Variants in BTBD8 observed in about 807,000 individuals in gnomAD.
The protein encoded by BTBD8 is BTB/POZ domain-containing protein 8.
In BTBD8, 110 loss-of-function variants were observed where a neutral mutation model predicts 162.9. That is an observed-to-expected ratio of 0.68 (90% CI 0.58 to 0.79). The LOEUF (loss-of-function observed/expected upper bound fraction) is 0.79. Ranked by LOEUF, BTBD8 falls within the 30% of genes least tolerant of loss-of-function variation. The probability of loss-of-function intolerance (pLI) is 0.00; values close to 1 mark genes in which losing one functional copy is unlikely to be tolerated. For missense variants in BTBD8, 1,905 were observed against 2,085.4 expected, an observed-to-expected ratio of 0.91 and a Z score of 1.68; for synonymous variants, 667 against 716.1, an observed-to-expected ratio of 0.93 and a Z score of 1.10.
At chr1:92,156,920 A>G (rs1650170874) in intron 9 of BTBD8, among the ~76,000 whole-genome samples, 1 of 147,626 alleles carries the variant, frequency 6.8e-6, no homozygotes, top group African/African-American at 2.5e-5. Flanking sequence ...CTGTTTTTCT[A>G]TCCTCTATTT....
intron 12 of BTBD8, 46 bp downstream of exon 12, chr1:92,169,041 T>C (rs995323213): frequency 6.9e-7 from 1 of 1,450,066 alleles, no homozygotes; most frequent in African/African-American, 1.4e-5. Flanking sequence ...ATGATCATTG[T>C]GACAGCAGAT....
rs139524207 is a variant in BTBD8, at chr1:92,139,389, A to T, written c.792A>T (p.Ile264=). The T allele has an allele frequency of 1.3e-5, 21 of 1,593,888 alleles. No individual in the cohort carries two copies. The South Asian group carries it at 2.5e-4, about 19-fold the overall frequency. ...AACTGAATGTTATGATGCATTTTATATATGGAGGAACTCTGGACATTCCAG... is the reference window on the plus strand; with the variant it reads ...AACTGAATGTTATGATGCATTTTATTTATGGAGGAACTCTGGACATTCCAG... ...HVELNVMMHF[I]YGGTLDIPDK... The change falls in exon 6 of 18, where the codon ATA becomes ATT. Residue 264 remains isoleucine (I), a synonymous_variant. Coordinates refer to ENST00000636805, the MANE Select transcript of BTBD8 (RefSeq NM_001376131.1).
chr1:92,136,334 A>C (rs913658528), intron 5 of BTBD8, among the ~76,000 whole-genome samples: 4 of 144,418 alleles, frequency 2.8e-5, no homozygotes, highest in Non-Finnish European at 4.6e-5. Context: ...GACTCCACTT[A>C]TTTTCTTCTT....
chr1:92,092,785 C>CT (rs1346347700), intron 2 of BTBD8, among the ~76,000 whole-genome samples: 3 of 152,128 alleles, frequency 2.0e-5, no homozygotes, highest in Non-Finnish European at 4.4e-5. Context: ...TTTTATATGT[C>CT]TAAGAAACTT....
At position 92,181,812 on chromosome 1, in the gene BTBD8, C is replaced by G. The variant is rs1424873268; in HGVS notation, c.4129C>G (p.Gln1377Glu). Residue 1377 changes from glutamine (Q) to glutamate (E), a missense_variant, in exon 17 of 18, where the codon CAG becomes GAG. By Grantham distance (29) the Gln-to-Glu change is conservative. Transcript: ENST00000636805. ...GSVQFAQEID[Q>E]VSSSADETED... The stretch of plus-strand genomic sequence containing the variant: ...TGTCCAGTTTGCTCAGGAAATAGAT[C>G]AGGTATCTTCTTCAGCAGATGAAAC... The G allele has an allele frequency of 6.4e-7, 1 of 1,551,064 alleles. No homozygotes were observed. The highest frequency in any genetic ancestry group is 8.7e-7 in the Non-Finnish European group (1 of 1,146,904).
At position 92,102,632 on chromosome 1, in the gene BTBD8, G is replaced by A. The variant is rs376803242; in HGVS notation, c.507G>A (p.Glu169=). ...CTCTTCAGAAGCATGAAATTCCAGA[G>A]GATATCAGTGACAGAGATGATGATT... ...DCSLQKHEIP[E]DISDRDDDFI... The change falls in exon 3 of 18, where the codon GAG becomes GAA. Residue 169 remains glutamate (E), a synonymous_variant. Transcript: ENST00000636805. 7.2e-6 allele frequency: 11 copies of A among 1,521,058 alleles called. No homozygotes were observed. In the African/African-American group the frequency reaches 1.3e-4, roughly 17 times the overall value. 94.2% of individuals were successfully genotyped at this position (1,521,058 alleles called of 1,614,324 possible).
chr1:92,112,801 CA>C (rs750642289), intron 4 of BTBD8, among the ~76,000 whole-genome samples: 1 of 152,094 alleles, frequency 6.6e-6, no homozygotes, highest in Non-Finnish European at 1.5e-5. Context: ...GTGATTACTC[CA>C]AAAATTTAGA....
chr1:92,176,937 G>T lies in BTBD8; in HGVS notation c.1744G>T (p.Asp582Tyr). Residue 582 changes from aspartate (D) to tyrosine (Y), a missense_variant, in exon 14 of 18, where the codon GAT (aspartate) becomes TAT (tyrosine). By Grantham distance (160) the Asp-to-Tyr change is radical (BLOSUM62 -3). Coordinates refer to ENST00000636805, the MANE Select transcript of BTBD8 (RefSeq NM_001376131.1). The part of the protein sequence containing the change: ...YLSTNKKMKS[D>Y]GLGASGHSSS... The stretch of plus-strand genomic sequence containing the variant: ...CTCTACTAATAAAAAGATGAAATCT[G>T]ATGGATTAGGAGCATCTGGACATTC... 6.5e-7 allele frequency: 1 copy of T among 1,540,180 alleles called. No homozygotes were observed. Among genetic ancestry groups the T allele is most frequent in the South Asian group, 1.2e-5 (1 of 82,368 alleles).
intron 4 of BTBD8, among the ~76,000 whole-genome samples, chr1:92,109,361 A>G (rs897645175): frequency 3.3e-5 from 5 of 151,852 alleles, no homozygotes; most frequent in African/African-American, 4.8e-5. Flanking sequence ...ATAGAGCCCT[A>G]TAGCTATTGC....
chr1:92,165,573 T>C (rs755151026), intron 9 of BTBD8, among the ~76,000 whole-genome samples: 16 of 151,934 alleles, frequency 1.1e-4, no homozygotes, highest in Non-Finnish European at 1.6e-4. Flanking sequence ...TTTCAGTCAT[T>C]TCCAGATTTA....
At position 92,156,945 on chromosome 1, in the gene BTBD8, A is replaced by AT. The variant is rs556213022; in HGVS notation, c.1122+9170dup. The stretch of plus-strand genomic sequence containing the variant: ...ATCCTCTATTTCTGCTCTAATATTT[A>AT]TTTTTTTTTTTCGTTGGTTTGCTAA... On this transcript the variant is annotated intron_variant, in intron 9 of 17. Coordinates refer to ENST00000636805, the MANE Select transcript of BTBD8 (RefSeq NM_001376131.1). 1.7e-3 allele frequency among the ~76,000 whole-genome samples: 224 copies of AT among 128,150 alleles called. 1 individual carries two copies. Among genetic ancestry groups the AT allele is most frequent in the African/African-American group, 3.3e-3 (113 of 34,590 alleles). 84.1% of individuals were successfully genotyped at this position (128,150 alleles called of 152,430 possible).
chr1:92,101,370 C>T (rs533389566), intron 2 of BTBD8, among the ~76,000 whole-genome samples: 4 of 152,168 alleles, frequency 2.6e-5, no homozygotes, highest in Non-Finnish European at 2.9e-5. Flanking sequence ...CCAGCCATCT[C>T]GGTAAAAGTA....
intron 4 of BTBD8, 50 bp downstream of exon 4, chr1:92,108,051 G>T (rs1309964883): frequency 6.6e-7 from 1 of 1,508,406 alleles, no homozygotes; most frequent in African/African-American, 1.4e-5. Context: ...GTAGAGTGTG[G>T]AAGGGCAGCT....
chr1:92,183,330 C>G (rs1171991194), intron 17 of BTBD8, among the ~76,000 whole-genome samples: 1 of 152,134 alleles, frequency 6.6e-6, no homozygotes, highest in Non-Finnish European at 1.5e-5. Flanking sequence ...AAGAAAAATA[C>G]TGATCAGTAG....
rs760696677 is a variant in BTBD8, at chr1:92,129,781, G to A, written c.752+5G>A. 38 of 1,610,714 alleles carry A rather than the reference G, an allele frequency of 2.4e-5. No individual in the cohort carries two copies. Among genetic ancestry groups the A allele is most frequent in the Non-Finnish European group, 3.1e-5 (37 of 1,177,134 alleles). On this transcript the variant is annotated splice_donor_5th_base_variant and intron_variant, in intron 5 of 17. Transcript: ENST00000636805. ...AGAGTACGTTACTCTTCAAGGGTAA[G>A]CATATTTTTACAGGGCCATTTGACT...
chr1:92,106,139 C>T (rs1431033858), intron 3 of BTBD8, among the ~76,000 whole-genome samples: 1 of 152,196 alleles, frequency 6.6e-6, no homozygotes, highest in Non-Finnish European at 1.5e-5. Flanking sequence ...GCATTGATGC[C>T]AGTCTCTTGA....
chr1:92,161,140 C>T lies in BTBD8; in HGVS notation c.1123-5818C>T, dbSNP rs551468853. Among the ~76,000 whole-genome samples the T allele has an allele frequency of 2.6e-5, 4 of 152,296 alleles. No homozygotes were observed. In the East Asian group the frequency reaches 7.7e-4, roughly 29 times the overall value. On this transcript the variant is annotated intron_variant, in intron 9 of 17. Coordinates refer to ENST00000636805, the MANE Select transcript of BTBD8 (RefSeq NM_001376131.1). ...TCATGCTCATCCTCAGTGCAGGAGCCTCTCAACTAGTTTCTCAATTTCTCA... is the reference window on the plus strand; with the variant it reads ...TCATGCTCATCCTCAGTGCAGGAGCTTCTCAACTAGTTTCTCAATTTCTCA...
Position 92,080,384 on chromosome 1 carries a change from G to C in BTBD8, c.-188G>C, listed in dbSNP as rs1647960733. 3 of 771,020 alleles carry C rather than the reference G, an allele frequency of 3.9e-6. No homozygotes were observed. Among genetic ancestry groups the C allele is most frequent in the Non-Finnish European group, 5.9e-6 (3 of 505,978 alleles). The allele number at this position is 771,020 out of a possible 1,614,324, so 47.8% of individuals were successfully genotyped here. Reference sequence around the variant, plus strand: ...AGCCGGCTCGGTTCTGGGATTCTGAGGCTCCCCACCGCGGTCCGGCTTCTC... The same window carrying C: ...AGCCGGCTCGGTTCTGGGATTCTGACGCTCCCCACCGCGGTCCGGCTTCTC... On this transcript the variant is annotated 5_prime_UTR_variant, in exon 1 of 18. Transcript: ENST00000636805.
intron 9 of BTBD8, among the ~76,000 whole-genome samples, chr1:92,158,462 A>G (rs1650208886): frequency 6.6e-6 from 1 of 152,098 alleles, no homozygotes; most frequent in African/African-American, 2.4e-5. Flanking sequence ...AGTCTATTTT[A>G]AGCTCAATCC....
Sources: gnomAD v4.1 joint callset for allele counts (sites outside exome capture counted in the v4.1 genomes callset) on GRCh38, gnomAD v4.1.1 for gene constraint, MANE v1.5 for transcripts, NCBI Gene and HGNC (gene_info 2026-07-23, HGNC 2026-07-21) for gene names.